Variants in DLX6 observed in about 807,000 individuals in gnomAD.
DLX6 encodes homeobox protein DLX-6.
In DLX6, 4 loss-of-function variants were observed where a neutral mutation model predicts 33.5. That is an observed-to-expected ratio of 0.12 (90% CI 0.06 to 0.27). DLX6 has a LOEUF of 0.27. Among genes scored for constraint, DLX6 ranks in the 10% least tolerant of loss-of-function variants. The probability of loss-of-function intolerance (pLI) is 1.00; values close to 1 mark genes in which losing one functional copy is unlikely to be tolerated. For missense variants in DLX6, 382 were observed against 393.3 expected (o/e 0.97, Z 0.24); for synonymous variants, 184 against 164.8 (o/e 1.12, Z -0.89).
In DLX6 at chr7:97,006,051, GGCA is replaced by G. The variant is rs530625473; in HGVS notation, c.96_98del (p.Gln44del). 517 of 1,572,456 alleles carry G rather than the reference GGCA, an allele frequency of 3.3e-4. No individual in the cohort carries two copies. The highest frequency in any genetic ancestry group is 1.2e-3 in the African/African-American group (89 of 73,436). The stretch of plus-strand genomic sequence containing the variant: ...TCCAAATCCGCCTTCATGGAGTTCG[GGCA>G]GCAGCAGCAGCAGCAGCAGCAACAG... On this transcript the variant is annotated inframe_deletion, in exon 1 of 3. Transcript: ENST00000518156.
At chr7:97,009,662 C>T in intron 2 of DLX6, 134 bp from the exon 3 acceptor site, 2 of 1,325,874 alleles carry the variant, frequency 1.5e-6, no homozygotes, top group South Asian at 1.5e-5. Flanking sequence ...GGGGACTTGG[C>T]TTGTAGGCGT....
At chr7:97,007,987 AAC>A in intron 2 of DLX6, among the ~76,000 whole-genome samples, 156 bp downstream of exon 2, 1 of 152,248 alleles carries the variant, frequency 6.6e-6, no homozygotes, top group Admixed American at 6.5e-5. Context: ...TTCCTGGGAC[AAC>A]ACAGTTTGGA....
chr7:97,007,232 T>G, intron 1 of DLX6: 1 of 463,402 alleles, frequency 2.2e-6, no homozygotes, highest in East Asian at 3.7e-5. Context: ...TCAAGTCAAC[T>G]GGCCGCGTAA....
At position 97,010,846 on chromosome 7, in the gene DLX6, A is replaced by G. The variant is rs1229891327; in HGVS notation, c.*799A>G. 4.8e-5 allele frequency: 7 copies of G among 145,556 alleles called. No individual in the cohort carries two copies. In the East Asian group the frequency reaches 1.5e-3, roughly 32 times the overall value. The allele number at this position is 145,556 out of a possible 1,614,324, so 9.0% of individuals were successfully genotyped here. ...CCAAACCCTGAACTGGAATCAGGAAAGACGGAGGAAACAATCAAAATCACC... is the reference window on the plus strand; with the variant it reads ...CCAAACCCTGAACTGGAATCAGGAAGGACGGAGGAAACAATCAAAATCACC... On this transcript the variant is annotated 3_prime_UTR_variant, in exon 3 of 3. Transcript: ENST00000518156.
rs747232821 is a variant in DLX6, at chr7:97,006,076, A to ACAGCAGCAGCAG, written c.111_122dup (p.Gln41_Gln44dup). ...GGCAGCAGCAGCAGCAGCAGCAGCA[A>ACAGCAGCAGCAG]CAGCAGCAGCAGCAGCAGCAGCAAC... is the stretch of plus-strand genomic sequence containing the variant. On this transcript the variant is annotated inframe_insertion, in exon 1 of 3. Coordinates refer to ENST00000518156, the MANE Select transcript of DLX6 (RefSeq NM_005222.4). 7.4e-6 allele frequency: 11 copies of ACAGCAGCAGCAG among 1,484,152 alleles called. No individual in the cohort carries two copies. The highest frequency in any genetic ancestry group is 2.5e-5 in the South Asian group (2 of 80,376). The allele number at this position is 1,484,152 out of a possible 1,614,324, so 91.9% of individuals were successfully genotyped here.
chr7:97,006,085 G>A lies in DLX6; in HGVS notation c.108G>A (p.Gln36=), dbSNP rs891988008. 6 of 1,559,698 alleles carry A rather than the reference G, an allele frequency of 3.8e-6. No homozygotes were observed. Among genetic ancestry groups the A allele is most frequent in the African/African-American group, 1.4e-5 (1 of 73,286 alleles). Residue 36 remains glutamine (Q), a synonymous_variant, in exon 1 of 3, where the codon CAG becomes CAA. Coordinates refer to ENST00000518156, the MANE Select transcript of DLX6 (RefSeq NM_005222.4). ...QQQQQQQQQQ[Q]QQQQQQQQPP... ...AGCAGCAGCAGCAGCAACAGCAGCAGCAGCAGCAGCAGCAACAGCAACAGC... is the reference window on the plus strand; with the variant it reads ...AGCAGCAGCAGCAGCAACAGCAGCAACAGCAGCAGCAGCAACAGCAACAGC...
chr7:97,007,359 G>A, intron 1 of DLX6: 3 of 597,340 alleles, frequency 5.0e-6, no homozygotes, highest in Non-Finnish European at 8.9e-6. Flanking sequence ...CTCCGGCACC[G>A]CCTCCGCTGC....
At chr7:97,009,681 GTTGTTTT>G (rs771847061) in intron 2 of DLX6, 108 bp from the exon 3 acceptor site, 184 of 1,479,150 alleles carry the variant, frequency 1.2e-4, no homozygotes, top group South Asian at 5.5e-4. Context: ...GTTGGCGGTG[GTTGTTTT>G]TTGTTTTTTG....
rs897037167 is a variant in DLX6, at chr7:97,006,330, A to G, written c.353A>G (p.Tyr118Cys). The stretch of plus-strand genomic sequence containing the variant: ...CACCGCTCGCTCGCCGCCTACCCCT[A>G]CATGAGCCACTCGCAGCACAGCCCT... ...YNHRSLAAYP[Y>C]MSHSQHSPYL... The change falls in exon 1 of 3, where the codon TAC (tyrosine) becomes TGC (cysteine). Residue 118 changes from tyrosine (Y) to cysteine (C), a missense_variant. By Grantham distance (194) the Tyr-to-Cys change is radical. This residue lies in a region of DLX6 where 257 missense variants were observed against 206.9 expected (regional missense o/e 1.24). Coordinates refer to ENST00000518156, the MANE Select transcript of DLX6 (RefSeq NM_005222.4). 2.6e-6 allele frequency: 4 copies of G among 1,512,910 alleles called. No individual in the cohort carries two copies. Among genetic ancestry groups the G allele is most frequent in the Non-Finnish European group, 3.5e-6 (4 of 1,127,182 alleles). 93.7% of individuals were successfully genotyped at this position (1,512,910 alleles called of 1,614,324 possible).
chr7:97,006,088 G>A lies in DLX6; in HGVS notation c.111G>A (p.Gln37=), dbSNP rs1351863932. The A allele has an allele frequency of 6.4e-7, 1 of 1,560,224 alleles. No homozygotes were observed. The highest frequency in any genetic ancestry group is 1.4e-5 in the African/African-American group (1 of 73,394). Reference sequence around the variant, plus strand: ...AGCAGCAGCAGCAACAGCAGCAGCAGCAGCAGCAGCAACAGCAACAGCCGC... The same window carrying A: ...AGCAGCAGCAGCAACAGCAGCAGCAACAGCAGCAGCAACAGCAACAGCCGC... ...QQQQQQQQQQ[Q]QQQQQQQPPP... Residue 37 remains glutamine (Q), a synonymous_variant, in exon 1 of 3, where the codon CAG becomes CAA. Transcript: ENST00000518156.
Position 97,005,840 on chromosome 7 carries a change from ATTCTTTT to A in DLX6, c.-135_-129del. The A allele has an allele frequency of 6.4e-6, 4 of 626,982 alleles. No homozygotes were observed. In the East Asian group the frequency reaches 9.9e-5, roughly 15 times the overall value. The allele number at this position is 626,982 out of a possible 1,614,324, so 38.8% of individuals were successfully genotyped here. A position where few individuals can be genotyped will look rare whatever the true frequency, so the allele number is the denominator to read the frequency against. On this transcript the variant is annotated 5_prime_UTR_variant, in exon 1 of 3. Coordinates refer to ENST00000518156, the MANE Select transcript of DLX6 (RefSeq NM_005222.4). ...GAACCACCTCCACCCCCCTCTTTAA[ATTCTTTT>A]TTTTTTTTTTTTTTTTTTTTGCAAG...
chr7:97,006,473 G>T (rs1162061159), intron 1 of DLX6, 60 bp downstream of exon 1: 5 of 953,642 alleles, frequency 5.2e-6, no homozygotes, highest in Admixed American at 4.6e-5. Context: ...TACCCCGCCC[G>T]CCCGCTCACT....
chr7:97,008,694 C>T (rs1489694234), intron 2 of DLX6, among the ~76,000 whole-genome samples: 1 of 152,170 alleles, frequency 6.6e-6, no homozygotes, highest in African/African-American at 2.4e-5. Flanking sequence ...AGTAAGTAGG[C>T]CTCATCTGAT....
At position 97,006,049 on chromosome 7, in the gene DLX6, C is replaced by T. The variant is rs1465498437; in HGVS notation, c.72C>T (p.Phe24=). ...QDSSKSAFME[F]GQQQQQQQQQ... ...CGTCCAAATCCGCCTTCATGGAGTT[C>T]GGGCAGCAGCAGCAGCAGCAGCAGC... Residue 24 remains phenylalanine (F), a synonymous_variant, in exon 1 of 3, where the codon TTC becomes TTT. Coordinates refer to ENST00000518156, the MANE Select transcript of DLX6 (RefSeq NM_005222.4). 6.3e-7 allele frequency: 1 copy of T among 1,587,292 alleles called. No homozygotes were observed. The highest frequency in any genetic ancestry group is 1.1e-5 in the South Asian group (1 of 87,196).
At chr7:97,006,498 G>T (rs927489452) in intron 1 of DLX6, 85 bp downstream of exon 1, 9 of 1,221,482 alleles carry the variant, frequency 7.4e-6, no homozygotes, top group Non-Finnish European at 8.2e-6. Context: ...CGACGCCCGG[G>T]CCTCCGCCGG....
intron 2 of DLX6, among the ~76,000 whole-genome samples, chr7:97,008,198 T>G (rs1789778370): frequency 6.6e-6 from 1 of 152,220 alleles, no homozygotes; most frequent in South Asian, 2.1e-4. Context: ...GGTTCAACTT[T>G]TTTAAGGATC....
At chr7:97,006,660 C>A in intron 1 of DLX6, 1 of 185,046 alleles carries the variant, frequency 5.4e-6, no homozygotes, top group Admixed American at 6.2e-5. Flanking sequence ...AGTCCCGGGC[C>A]CGGCGCAGGC....
Position 97,009,903 on chromosome 7 carries a change from A to C in DLX6, c.738A>C (p.Pro246=). The C allele has an allele frequency of 6.2e-7, 1 of 1,613,986 alleles. No individual in the cohort carries two copies. The change falls in exon 3 of 3, where the codon CCA becomes CCC. Residue 246 remains proline, a synonymous_variant. Transcript: ENST00000518156. ...DPLQGSAALS[P]RSPALPPVWD... ...TCCAGGGCTCGGCGGCCCTGTCGCC[A>C]CGCTCGCCAGCGCTGCCTCCAGTCT...
rs1438472300 is a variant in DLX6, at chr7:97,005,831, C to G, written c.-147C>G. On this transcript the variant is annotated 5_prime_UTR_variant, in exon 1 of 3. Transcript: ENST00000518156. ...GGAGAGGGAGAACCACCTCCACCCC[C>G]CTCTTTAAATTCTTTTTTTTTTTTT... The G allele has an allele frequency of 3.3e-6, 2 of 602,858 alleles. No homozygotes were observed. The highest frequency in any genetic ancestry group is 5.4e-6 in the Non-Finnish European group (2 of 368,006). The allele number at this position is 602,858 out of a possible 1,614,324, so 37.3% of individuals were successfully genotyped here.
Sources: allele counts gnomAD v4.1 joint callset (sites outside exome capture counted in the v4.1 genomes callset), GRCh38; gene constraint gnomAD v4.1.1; regional missense constraint gnomAD v4.1.1; transcripts MANE v1.5; gene names NCBI Gene and HGNC (gene_info 2026-07-23, HGNC 2026-07-21).